The following RARB variants were observed in gnomAD, a reference collection of about 807,000 sequenced individuals.
RARB encodes the protein retinoic acid receptor beta.
In RARB, 17 loss-of-function variants were observed where a neutral mutation model predicts 51.9. The ratio of observed to expected loss-of-function variants is 0.33; its 90% CI spans 0.22 to 0.49. RARB has a LOEUF of 0.49. Ranked by LOEUF, RARB falls within the 20% of genes least tolerant of loss-of-function variation. The pLI, the probability that RARB is intolerant of heterozygous loss-of-function variation, is 0.99. For synonymous variants in RARB, 215 were observed against 195.4 expected, an observed-to-expected ratio of 1.10 and a Z score of -0.84; for missense variants, 369 against 550.8, an observed-to-expected ratio of 0.67 and a Z score of 3.30.
At chr3:25,456,344 G>T (rs528913577) in intron 1 of RARB, among the ~76,000 whole-genome samples, 1 of 152,098 alleles carries the variant, frequency 6.6e-6, no homozygotes, top group Non-Finnish European at 1.5e-5. Context: ...GACTTTCTTG[G>T]GGGGTGGAGG....
chr3:24,923,852 T>C (rs558458063), intron 2 of RARB, among the ~76,000 whole-genome samples: 3 of 152,312 alleles, frequency 2.0e-5, no homozygotes, highest in South Asian at 4.1e-4. Context: ...TTAATCTTCT[T>C]TAAAAGTACT....
At chr3:24,902,736 A>C (rs1379023446) in intron 2 of RARB, among the ~76,000 whole-genome samples, 1 of 152,120 alleles carries the variant, frequency 6.6e-6, no homozygotes. Context: ...TTGAAATGGA[A>C]AAAAAATGTT....
rs1433286557 is a variant in RARB, at chr3:25,491,519, C to A, written c.307-9663C>A. ...AGAGACTATCCGAGACTATCCAAGA[C>A]TGCCACGTCCTCATAAAGGAAAAAG... On this transcript the variant is annotated intron_variant, in intron 2 of 7. Coordinates refer to ENST00000330688, the MANE Select transcript of RARB (RefSeq NM_000965.5). Among the ~76,000 whole-genome samples, 5 of 152,132 alleles carry A rather than the reference C, an allele frequency of 3.3e-5. No individual in the cohort carries two copies. In the East Asian group the frequency reaches 9.6e-4, roughly 29 times the overall value.
rs536979046 is a variant in RARB, at chr3:25,121,055, A to T, written c.-327-11106A>T. Among the ~76,000 whole-genome samples, 13 of 152,310 alleles carry T rather than the reference A, an allele frequency of 8.5e-5. No individual in the cohort carries two copies. The South Asian group carries it at 2.7e-3, about 32-fold the overall frequency. On this transcript the variant is annotated intron_variant, in intron 3 of 11. Coordinates refer to the RARB transcript ENST00000383772. Reference sequence around the variant, plus strand: ...ATAATTTGAAAAGTGCTGTAACAGAAGTATGGATGCTTGAATTCACATGCA... The same window carrying T: ...ATAATTTGAAAAGTGCTGTAACAGATGTATGGATGCTTGAATTCACATGCA...
intron 1 of RARB, among the ~76,000 whole-genome samples, chr3:24,832,446 G>T (rs1702294277): frequency 6.6e-6 from 1 of 151,826 alleles, no homozygotes. Context: ...AGTGGAGCCT[G>T]GTGACTGTGT....
chr3:25,304,861 C>T (rs1357513266), intron 5 of RARB, among the ~76,000 whole-genome samples: 1 of 152,136 alleles, frequency 6.6e-6, no homozygotes, highest in Non-Finnish European at 1.5e-5. Context: ...CCAGGTTCTG[C>T]CAAGACACAA....
chr3:24,956,504 C>A (rs1696017537), intron 2 of RARB, among the ~76,000 whole-genome samples: 1 of 152,116 alleles, frequency 6.6e-6, no homozygotes, highest in Non-Finnish European at 1.5e-5. Context: ...GAGTGAAGTA[C>A]AAACATTCTG....
chr3:25,250,863 G>A (rs1324833230), intron 5 of RARB, among the ~76,000 whole-genome samples: 1 of 152,148 alleles, frequency 6.6e-6, no homozygotes, highest in Non-Finnish European at 1.5e-5. Context: ...ACTCCACAGT[G>A]GCTAAGACTG....
intron 3 of RARB, 51 bp from the exon 4 acceptor site, chr3:25,569,707 C>A: frequency 6.3e-7 from 1 of 1,575,440 alleles, no homozygotes; most frequent in South Asian, 1.2e-5. Flanking sequence ...AGCTCAGGAG[C>A]ACAGGCCCAG....
intron 5 of RARB, among the ~76,000 whole-genome samples, chr3:25,349,201 G>T (rs1306290261): frequency 6.6e-6 from 1 of 152,190 alleles, no homozygotes; most frequent in African/African-American, 2.4e-5. Context: ...ACAGTGACTT[G>T]CACTACCTGG....
chr3:25,470,996 A>C (rs1001840619), intron 2 of RARB, among the ~76,000 whole-genome samples: 14 of 152,254 alleles, frequency 9.2e-5, no homozygotes, highest in African/African-American at 2.7e-4. Context: ...CTAATTATAC[A>C]GTAATTAGTG....
chr3:25,507,336 A>G (rs1028644776), intron 3 of RARB, among the ~76,000 whole-genome samples: 1 of 152,222 alleles, frequency 6.6e-6, no homozygotes, highest in Non-Finnish European at 1.5e-5. Context: ...GTCAGAGGCA[A>G]AACAATTCTA....
chr3:25,239,465 A>G (rs1702378873), intron 5 of RARB, among the ~76,000 whole-genome samples: 1 of 152,080 alleles, frequency 6.6e-6, no homozygotes, highest in East Asian at 1.9e-4. Context: ...ATCCATCTAA[A>G]GTTTATTTTT....
At chr3:25,259,113 A>G in intron 5 of RARB, 1 of 965,970 alleles carries the variant, frequency 1.0e-6, no homozygotes, top group Non-Finnish European at 1.2e-6. Flanking sequence ...ATTCAAAATG[A>G]CAATAACACA....
intron 5 of RARB, among the ~76,000 whole-genome samples, chr3:25,226,253 C>G (rs1702053504): frequency 6.6e-6 from 1 of 152,112 alleles, no homozygotes; most frequent in African/African-American, 2.4e-5. Context: ...CTCAATATTA[C>G]AGTATTGAAG....
intron 2 of RARB, among the ~76,000 whole-genome samples, chr3:24,884,498 T>C (rs1703233396): frequency 6.6e-6 from 1 of 152,142 alleles, no homozygotes; most frequent in Non-Finnish European, 1.5e-5. Context: ...CAGATTTTTT[T>C]CCCCAAGGAT....
intron 5 of RARB, among the ~76,000 whole-genome samples, chr3:25,328,030 G>T (rs571031996): frequency 6.6e-6 from 1 of 152,290 alleles, no homozygotes; most frequent in East Asian, 1.9e-4. Context: ...ACCTTATCAA[G>T]AATTATAAAT....
chr3:25,093,798 C>T (rs545500712), intron 3 of RARB, among the ~76,000 whole-genome samples: 7 of 152,204 alleles, frequency 4.6e-5, no homozygotes, highest in African/African-American at 9.6e-5. Flanking sequence ...CACATGAGGA[C>T]GATTTCCCAC....
At chr3:25,307,175 A>C (rs1010319727) in intron 5 of RARB, among the ~76,000 whole-genome samples, 16 of 152,136 alleles carry the variant, frequency 1.1e-4, no homozygotes, top group Non-Finnish European at 1.5e-5. Context: ...CCGGAGTTCA[A>C]GACCAGCCTG....
Sources: allele counts gnomAD v4.1 joint callset (sites outside exome capture counted in the v4.1 genomes callset), GRCh38; gene constraint gnomAD v4.1.1; transcripts MANE v1.5; gene names NCBI Gene and HGNC (gene_info 2026-07-23, HGNC 2026-07-21).